The following RIMKLA variants were observed in gnomAD, a reference collection of about 807,000 sequenced individuals.
RIMKLA encodes ribosomal modification protein rimK like family member A.
A neutral mutation model predicts 32.7 loss-of-function variants in RIMKLA; 14 were observed. The ratio of observed to expected loss-of-function variants is 0.43; its 90% CI spans 0.28 to 0.67. The LOEUF (loss-of-function observed/expected upper bound fraction) is 0.67, where lower values mean the gene tolerates loss of function less well. RIMKLA is among the 30% of genes least tolerant of loss of function. The pLI, the probability that RIMKLA is intolerant of heterozygous loss-of-function variation, is 0.18. For synonymous variants in RIMKLA, 176 were observed against 204.1 expected (o/e 0.86, Z 1.18); for missense variants, 410 against 519.0 (o/e 0.79, Z 2.04).
At chr1:42,407,834 A>G (rs1199324929) in intron 3 of RIMKLA, among the ~76,000 whole-genome samples, 1 of 152,218 alleles carries the variant, frequency 6.6e-6, no homozygotes, top group Non-Finnish European at 1.5e-5. Context: ...TAAAAAATCA[A>G]ACTGCTTGGC....
chr1:42,413,011 G>T (rs1313785039), intron 4 of RIMKLA, among the ~76,000 whole-genome samples: 1 of 152,136 alleles, frequency 6.6e-6, no homozygotes, highest in Admixed American at 6.5e-5. Context: ...GCATGTGCCT[G>T]TAGTCCTAGC....
In RIMKLA at chr1:42,415,968, T is replaced by C. The variant is rs1643242874; in HGVS notation, c.*994T>C. ...AGGTCTATTGAGTAGATGGGAGCCATTGGAAACACTCCAATCCCCTTGAAA... is the reference window on the plus strand; with the variant it reads ...AGGTCTATTGAGTAGATGGGAGCCACTGGAAACACTCCAATCCCCTTGAAA... On this transcript the variant is annotated 3_prime_UTR_variant, in exon 5 of 5. Coordinates refer to ENST00000431473, the MANE Select transcript of RIMKLA (RefSeq NM_173642.4). 1 of 151,952 alleles carries C rather than the reference T, an allele frequency of 6.6e-6. No individual in the cohort carries two copies. Among genetic ancestry groups the C allele is most frequent in the African/African-American group, 2.4e-5 (1 of 41,374 alleles). The allele number at this position is 151,952 out of a possible 1,614,324, so 9.4% of individuals were successfully genotyped here. A position where few individuals can be genotyped will look rare whatever the true frequency, so the allele number is the denominator to read the frequency against.
chr1:42,421,196 G>C lies in RIMKLA; in HGVS notation c.*6222G>C, dbSNP rs116928800. 6.6e-6 allele frequency: 1 copy of C among 152,426 alleles called. No homozygotes were observed. The highest frequency in any genetic ancestry group is 1.9e-4 in the East Asian group (1 of 5,186). The allele number at this position is 152,426 out of a possible 1,614,324, so 9.4% of individuals were successfully genotyped here. On this transcript the variant is annotated 3_prime_UTR_variant, in exon 5 of 5. Transcript: ENST00000431473. This position sits in a 1 kb window ranked among gnomAD's most constrained non-coding sequence, Gnocchi z 4.6. ...TTTGGCTAAGAAAAATCCTGGAGGA[G>C]AGACTGCCTCAGACAACTGGGGGGC...
At chr1:42,411,184 TTAGCCAAGTGCAG>T (rs2148395158) in intron 4 of RIMKLA, among the ~76,000 whole-genome samples, 1 of 152,144 alleles carries the variant, frequency 6.6e-6, no homozygotes, top group South Asian at 2.1e-4. Context: ...TTTTTTAAAG[TTAGCCAAGTGCAG>T]TAGCACATGC....
At chr1:42,384,690 A>T (rs1249208418) in intron 1 of RIMKLA, among the ~76,000 whole-genome samples, 1 of 151,480 alleles carries the variant, frequency 6.6e-6, no homozygotes, top group African/African-American at 2.4e-5. Flanking sequence ...GCTGCTTTTT[A>T]CCTATTAGCT....
In RIMKLA at chr1:42,380,818, A is replaced by G. The variant is rs1299245328; in HGVS notation, c.-117A>G. 1.3e-5 allele frequency: 6 copies of G among 475,218 alleles called. No homozygotes were observed. Among genetic ancestry groups the G allele is most frequent in the Non-Finnish European group, 1.7e-5 (6 of 348,640 alleles). The allele number at this position is 475,218 out of a possible 1,614,324, so 29.4% of individuals were successfully genotyped here. A position where few individuals can be genotyped will look rare whatever the true frequency, so the allele number is the denominator to read the frequency against. ...CAGAGACGCCTGGCGCACCCGCGGGAGCGGAGCCGTGGCGCGCTCGCCCCG... is the reference window on the plus strand; with the variant it reads ...CAGAGACGCCTGGCGCACCCGCGGGGGCGGAGCCGTGGCGCGCTCGCCCCG... On this transcript the variant is annotated 5_prime_UTR_variant, in exon 1 of 5. Transcript: ENST00000431473.
chr1:42,400,759 G>C (rs1643090230), intron 2 of RIMKLA, among the ~76,000 whole-genome samples: 1 of 152,118 alleles, frequency 6.6e-6, no homozygotes. Flanking sequence ...ATATTTAGTA[G>C]GCAGCAGATA....
intron 1 of RIMKLA, among the ~76,000 whole-genome samples, chr1:42,386,361 C>T (rs1161297905): frequency 6.6e-6 from 1 of 151,950 alleles, no homozygotes; most frequent in Non-Finnish European, 1.5e-5. Context: ...ACCTCACCTC[C>T]TTGCCACTAC....
chr1:42,413,156 G>A (rs1347188560), intron 4 of RIMKLA, among the ~76,000 whole-genome samples: 1 of 149,464 alleles, frequency 6.7e-6, no homozygotes, highest in African/African-American at 2.4e-5. Flanking sequence ...AAATAAATAA[G>A]TTAATTTTAT....
chr1:42,406,418 A>T (rs1199670729), intron 3 of RIMKLA, among the ~76,000 whole-genome samples: 2 of 152,196 alleles, frequency 1.3e-5, no homozygotes, highest in Admixed American at 1.3e-4. Context: ...CCTATTATTA[A>T]TAATACTTTC....
At chr1:42,391,621 C>T (rs1234798934) in intron 1 of RIMKLA, among the ~76,000 whole-genome samples, 1 of 152,036 alleles carries the variant, frequency 6.6e-6, no homozygotes, top group Non-Finnish European at 1.5e-5. Context: ...CATTGAGTTT[C>T]AGAGGGCAGA....
intron 4 of RIMKLA, among the ~76,000 whole-genome samples, chr1:42,410,870 C>T (rs1301921497): frequency 6.6e-6 from 1 of 152,080 alleles, no homozygotes; most frequent in Non-Finnish European, 1.5e-5. Context: ...TCCTAAATCA[C>T]CATATGAGTA....
chr1:42,380,951 G>C lies in RIMKLA; in HGVS notation c.17G>C (p.Trp6Ser). ...CTGGCCGCCATGTGCTCCCAGCTCT[G>C]GTTCCTGACGGACCGGCGCATCCGC... Reference protein sequence around the residue: MCSQLWFLTDRRIRED... With the variant: MCSQLSFLTDRRIRED... The change falls in exon 1 of 5, where the codon TGG becomes TCG. Residue 6 changes from tryptophan (W) to serine (S), a missense_variant. Transcript: ENST00000431473. 2.1e-6 allele frequency: 3 copies of C among 1,446,638 alleles called. No homozygotes were observed. Among genetic ancestry groups the C allele is most frequent in the Non-Finnish European group, 2.7e-6 (3 of 1,100,164 alleles). The allele number at this position is 1,446,638 out of a possible 1,614,324, so 89.6% of individuals were successfully genotyped here.
In RIMKLA at chr1:42,416,346, A is replaced by G. The variant is rs1411837338; in HGVS notation, c.*1372A>G. On this transcript the variant is annotated 3_prime_UTR_variant, in exon 5 of 5. Transcript: ENST00000431473. ...ACACTTAGGGTTCCCCTTTGGGATT[A>G]CCTTTGAAGCCATGCAAGGCAAGAG... 4 of 152,230 alleles carry G rather than the reference A, an allele frequency of 2.6e-5. No individual in the cohort carries two copies. The highest frequency in any genetic ancestry group is 5.9e-5 in the Non-Finnish European group (4 of 68,040). 9.4% of individuals were successfully genotyped at this position (152,230 alleles called of 1,614,324 possible). A position where few individuals can be genotyped will look rare whatever the true frequency, so the allele number is the denominator to read the frequency against.
chr1:42,386,644 G>A (rs189593881), intron 1 of RIMKLA, among the ~76,000 whole-genome samples: 1 of 151,158 alleles, frequency 6.6e-6, no homozygotes, highest in African/African-American at 2.4e-5. Context: ...GGGAGGCCGA[G>A]GCAGGTGGAT....
chr1:42,400,859 AG>A (rs1191681797), intron 2 of RIMKLA, among the ~76,000 whole-genome samples: 3 of 152,150 alleles, frequency 2.0e-5, no homozygotes, highest in African/African-American at 7.2e-5. Flanking sequence ...GGAATGGATG[AG>A]AGTACTCAGG....
chr1:42,397,810 C>T (rs1447077758), intron 1 of RIMKLA, among the ~76,000 whole-genome samples: 1 of 152,082 alleles, frequency 6.6e-6, no homozygotes, highest in African/African-American at 2.4e-5. Context: ...AGTATAATTC[C>T]TTGAACTAGC....
intron 2 of RIMKLA, among the ~76,000 whole-genome samples, chr1:42,402,084 C>G (rs879323171): frequency 1.3e-5 from 2 of 152,030 alleles, no homozygotes; most frequent in Non-Finnish European, 2.9e-5. Flanking sequence ...TGAAGATGCC[C>G]CTAATTACGT....
intron 1 of RIMKLA, among the ~76,000 whole-genome samples, chr1:42,391,682 C>T (rs1643001164): frequency 6.6e-6 from 1 of 152,028 alleles, no homozygotes; most frequent in Non-Finnish European, 1.5e-5. Flanking sequence ...AGTGTCAGAG[C>T]TATATGGGGT....
Sources: gnomAD v4.1 joint callset for allele counts (sites outside exome capture counted in the v4.1 genomes callset) on GRCh38, gnomAD v4.1.1 for gene constraint, Gnocchi (gnomAD v3.1) non-coding constraint, MANE v1.5 for transcripts, NCBI Gene and HGNC (gene_info 2026-07-23, HGNC 2026-07-21) for gene names.